NRXN3: variants seen among roughly 807,000 people sequenced by gnomAD.
The protein encoded by NRXN3 is neurexin III.
Under a neutral mutation model 137.6 loss-of-function variants are expected in NRXN3, and 32 were observed. That is an observed-to-expected ratio of 0.23 (90% CI 0.18 to 0.31). The LOEUF is 0.31. Ranked by LOEUF, NRXN3 falls within the 10% of genes least tolerant of loss-of-function variation. The probability of loss-of-function intolerance (pLI) is 1.00; values close to 1 mark genes in which losing one functional copy is unlikely to be tolerated. For synonymous variants in NRXN3, 798 were observed against 784.5 expected (o/e 1.02, Z -0.29); for missense variants, 1,574 against 2,062.5 (o/e 0.76, Z 4.59).
chr14:79,286,298 A>G (rs940485016), intron 15 of NRXN3, among the ~76,000 whole-genome samples: 4 of 152,098 alleles, frequency 2.6e-5, no homozygotes, highest in Non-Finnish European at 5.9e-5. Context: ...CAAATTACCA[A>G]CTACTTTCAC....
At chr14:78,564,154 T>C (rs139199041) in intron 4 of NRXN3, among the ~76,000 whole-genome samples, 4 of 152,302 alleles carry the variant, frequency 2.6e-5, no homozygotes, top group Non-Finnish European at 5.9e-5. Context: ...TAGCAATTTC[T>C]CCCTTATAAT....
chr14:79,738,270 C>A (rs1389942474), intron 19 of NRXN3, among the ~76,000 whole-genome samples: 1 of 151,206 alleles, frequency 6.6e-6, no homozygotes, highest in Non-Finnish European at 1.5e-5. Flanking sequence ...TAAATATCCT[C>A]AAAAGTGTCC....
At chr14:78,965,793 C>T (rs917480426) in intron 11 of NRXN3, among the ~76,000 whole-genome samples, 3 of 152,106 alleles carry the variant, frequency 2.0e-5, no homozygotes, top group Non-Finnish European at 2.9e-5. Flanking sequence ...CCTCATATTT[C>T]CCCTTATATG....
intron 15 of NRXN3, among the ~76,000 whole-genome samples, chr14:79,453,429 G>T (rs1006607394): frequency 6.6e-6 from 1 of 152,252 alleles, no homozygotes; most frequent in Non-Finnish European, 1.5e-5. Context: ...ACCACATGCA[G>T]ACTATGTTTT....
intron 15 of NRXN3, among the ~76,000 whole-genome samples, chr14:79,155,121 A>G (rs1368819084): frequency 1.3e-5 from 2 of 151,896 alleles, no homozygotes; most frequent in Non-Finnish European, 2.9e-5. Flanking sequence ...CACATGGAGC[A>G]TCCCTTCTTC....
chr14:79,676,919 C>T (rs2098643766), intron 17 of NRXN3, among the ~76,000 whole-genome samples: 1 of 151,928 alleles, frequency 6.6e-6, no homozygotes, highest in African/African-American at 2.4e-5. Context: ...TTTTCTTAAT[C>T]CTCTTTTAAA....
At chr14:78,218,976 C>T (rs1195228434) in intron 1 of NRXN3, among the ~76,000 whole-genome samples, 2 of 152,168 alleles carry the variant, frequency 1.3e-5, no homozygotes, top group South Asian at 2.1e-4. Flanking sequence ...GTATTCTCTC[C>T]GTGTCATTAC....
At chr14:78,787,948 C>T (rs560067477) in intron 8 of NRXN3, among the ~76,000 whole-genome samples, 24 of 152,264 alleles carry the variant, frequency 1.6e-4, no homozygotes, top group African/African-American at 5.1e-4. Flanking sequence ...AAGTAGACTT[C>T]ATAATGATAA....
At chr14:79,280,417 C>T in intron 15 of NRXN3, 1 of 1,614,150 alleles carries the variant, frequency 6.2e-7, no homozygotes, top group Non-Finnish European at 8.5e-7. Context: ...TAGCTTCCTC[C>T]TCCTCCACCT....
At chr14:79,807,805 T>C (rs1475548294) in intron 20 of NRXN3, among the ~76,000 whole-genome samples, 1 of 152,190 alleles carries the variant, frequency 6.6e-6, no homozygotes, top group Admixed American at 6.5e-5. Flanking sequence ...AGAATGAGCA[T>C]TGCATTTTTC....
Position 79,582,312 on chromosome 14 carries a change from T to G in NRXN3, c.3445-81466T>G, listed in dbSNP as rs186409822. On this transcript the variant is annotated intron_variant, in intron 16 of 20. Transcript: ENST00000335750. ...AGGAGCTCACAAGGGTTAAATAATT[T>G]GCATCAAATCACTCAGCTGGTAACT... 5.3e-4 allele frequency among the ~76,000 whole-genome samples: 80 copies of G among 152,292 alleles called. 1 individual carries two copies. Among genetic ancestry groups the G allele is most frequent in the Middle Eastern group, 3.4e-3 (1 of 294 alleles).
intron 19 of NRXN3, among the ~76,000 whole-genome samples, chr14:79,771,845 T>C (rs2139808864): frequency 8.8e-6 from 1 of 114,170 alleles, no homozygotes; most frequent in African/African-American, 3.5e-5. Context: ...TGTCCCTGTT[T>C]GCAGATGACA....
chr14:79,819,054 T>A (rs1418880620), intron 20 of NRXN3, among the ~76,000 whole-genome samples: 2 of 152,220 alleles, frequency 1.3e-5, no homozygotes, highest in Non-Finnish European at 2.9e-5. Flanking sequence ...TAAAAGATCA[T>A]GAAAACTGGC....
intron 19 of NRXN3, among the ~76,000 whole-genome samples, chr14:79,724,665 A>AT: frequency 6.6e-6 from 1 of 152,232 alleles, no homozygotes. Context: ...CATGACTTCT[A>AT]TTTTCCAAGC....
At chr14:79,617,776 T>C (rs2098173548) in intron 16 of NRXN3, among the ~76,000 whole-genome samples, 1 of 152,136 alleles carries the variant, frequency 6.6e-6, no homozygotes, top group Non-Finnish European at 1.5e-5. Flanking sequence ...GTCAATCTCC[T>C]GTTTACTGAG....
intron 4 of NRXN3, among the ~76,000 whole-genome samples, chr14:78,324,022 G>A (rs1158336751): frequency 2.0e-5 from 3 of 152,076 alleles, no homozygotes; most frequent in African/African-American, 7.3e-5. Flanking sequence ...ATAGCAATAT[G>A]TGTTATTATC....
At chr14:79,052,329 G>A (rs1289167725) in intron 15 of NRXN3, among the ~76,000 whole-genome samples, 1 of 152,182 alleles carries the variant, frequency 6.6e-6, no homozygotes, top group Non-Finnish European at 1.5e-5. Flanking sequence ...ATTCAGATAA[G>A]CCTTGAGCTA....
At chr14:79,583,011 T>A (rs2097731233) in intron 16 of NRXN3, among the ~76,000 whole-genome samples, 1 of 152,202 alleles carries the variant, frequency 6.6e-6, no homozygotes, top group African/African-American at 2.4e-5. Context: ...TACACAGCAT[T>A]TATAGAATGT....
rs1424522566 is a variant in NRXN3, at chr14:78,672,570, C to T, written c.1221+21244C>T. 2.0e-5 allele frequency among the ~76,000 whole-genome samples: 3 copies of T among 152,208 alleles called. No homozygotes were observed. In the East Asian group the frequency reaches 5.8e-4, roughly 29 times the overall value. Reference sequence around the variant, plus strand: ...AGACAGTGAGTTGGGAGTACGCCACCTATAGAGGACTAGGAGAGAAAATAT... The same window carrying T: ...AGACAGTGAGTTGGGAGTACGCCACTTATAGAGGACTAGGAGAGAAAATAT... On this transcript the variant is annotated intron_variant, in intron 6 of 20. Coordinates refer to ENST00000335750, the MANE Select transcript of NRXN3 (RefSeq NM_001330195.2).
Sources: gnomAD v4.1 joint callset for allele counts (sites outside exome capture counted in the v4.1 genomes callset) on GRCh38, gnomAD v4.1.1 for gene constraint, MANE v1.5 for transcripts, NCBI Gene and HGNC (gene_info 2026-07-23, HGNC 2026-07-21) for gene names.